The following NKX2-3 variants were observed in gnomAD, a reference collection of about 807,000 sequenced individuals.
NKX2-3 encodes the protein NK2 homeobox 3, also known as homeobox protein Nkx-2.3.
In NKX2-3, 3 loss-of-function variants were observed where a neutral mutation model predicts 14.2. That is an observed-to-expected ratio of 0.21 (90% confidence interval 0.10 to 0.55). NKX2-3 has a LOEUF of 0.55. NKX2-3 is among the 20% of genes least tolerant of loss of function. The pLI is 0.94. For synonymous variants in NKX2-3, 276 were observed against 234.2 expected (o/e 1.18, Z -1.63); for missense variants, 511 against 514.5 (o/e 0.99, Z 0.06).
Position 99,533,304 on chromosome 10 carries a change from G to C in NKX2-3, c.173G>C (p.Gly58Ala), listed in dbSNP as rs1463208368. The C allele has an allele frequency of 1.9e-6, 3 of 1,613,798 alleles. No individual in the cohort carries two copies. The highest frequency in any genetic ancestry group is 2.5e-6 in the Non-Finnish European group (3 of 1,179,830). ...GCTGAGGGGACGCAATTTTCTGACG[G>C]AGGGGAGGAGGACGAGGAAGACGAG... is the stretch of plus-strand genomic sequence containing the variant. ...AAAEGTQFSD[G>A]GEEDEEDEGE... Residue 58 changes from glycine (G) to alanine (A), a missense_variant, in exon 1 of 2, where the codon GGA becomes GCA. Physicochemically the swap from Gly to Ala is moderately conservative, Grantham distance 60. Coordinates refer to ENST00000344586, the MANE Select transcript of NKX2-3 (RefSeq NM_145285.3).
chr10:99,534,073 G>T (rs2033939454), intron 1 of NKX2-3, among the ~76,000 whole-genome samples: 2 of 152,244 alleles, frequency 1.3e-5, no homozygotes, highest in African/African-American at 2.4e-5. Context: ...GAGAGGAGAT[G>T]ATCGGAAAGT....
In NKX2-3 at chr10:99,535,673, C is replaced by G; in HGVS notation, c.1047C>G (p.Ala349=). 1 of 1,537,170 alleles carries G rather than the reference C, an allele frequency of 6.5e-7. No individual in the cohort carries two copies. Among genetic ancestry groups the G allele is most frequent in the Non-Finnish European group, 8.7e-7 (1 of 1,145,738 alleles). Residue 349 remains alanine (A), a synonymous_variant, in exon 2 of 2, where the codon GCC becomes GCG. Coordinates refer to ENST00000344586, the MANE Select transcript of NKX2-3 (RefSeq NM_145285.3). ...SAQPLHQGTA[A]GAACAQGTLQ... ...AGCCGTTGCACCAGGGTACTGCAGCCGGGGCCGCGTGCGCTCAGGGCACCT... is the reference window on the plus strand; with the variant it reads ...AGCCGTTGCACCAGGGTACTGCAGCGGGGGCCGCGTGCGCTCAGGGCACCT...
At chr10:99,534,203 C>T (rs1236984552) in intron 1 of NKX2-3, among the ~76,000 whole-genome samples, 1 of 152,184 alleles carries the variant, frequency 6.6e-6, no homozygotes, top group African/African-American at 2.4e-5. Flanking sequence ...ATAGAAAACG[C>T]GCCGAACTTG....
Position 99,535,899 on chromosome 10 carries a change from G to C in NKX2-3, c.*178G>C. 1 of 716,474 alleles carries C rather than the reference G, an allele frequency of 1.4e-6. No individual in the cohort carries two copies. The highest frequency in any genetic ancestry group is 2.0e-5 in the South Asian group (1 of 50,366). The allele number at this position is 716,474 out of a possible 1,614,324, so 44.4% of individuals were successfully genotyped here. ...CTGGGGAAGGGGACTCAGGGGCGAG[G>C]AGGATGACTGGGTCCGGTCGCCAGG... is the stretch of plus-strand genomic sequence containing the variant. On this transcript the variant is annotated 3_prime_UTR_variant, in exon 2 of 2. Coordinates refer to ENST00000344586, the MANE Select transcript of NKX2-3 (RefSeq NM_145285.3).
At chr10:99,533,970 A>G (rs902383483) in intron 1 of NKX2-3, among the ~76,000 whole-genome samples, 1 of 152,202 alleles carries the variant, frequency 6.6e-6, no homozygotes, top group Non-Finnish European at 1.5e-5. Flanking sequence ...TCGCACCCGC[A>G]GGGGCAGGAA....
Position 99,533,103 on chromosome 10 carries a change from T to C in NKX2-3, c.-29T>C. On this transcript the variant is annotated 5_prime_UTR_variant, in exon 1 of 2. Coordinates refer to ENST00000344586, the MANE Select transcript of NKX2-3 (RefSeq NM_145285.3). ...CCTCCCCGCCCCCGCCGGGATTTATTATTTGGACTGGACAATTAAGTGGCC... is the reference window on the plus strand; with the variant it reads ...CCTCCCCGCCCCCGCCGGGATTTATCATTTGGACTGGACAATTAAGTGGCC... 6.8e-7 allele frequency: 1 copy of C among 1,469,174 alleles called. No individual in the cohort carries two copies. The highest frequency in any genetic ancestry group is 9.2e-7 in the Non-Finnish European group (1 of 1,089,734). The allele number at this position is 1,469,174 out of a possible 1,614,324, so 91.0% of individuals were successfully genotyped here. A position where few individuals can be genotyped will look rare whatever the true frequency, so the allele number is the denominator to read the frequency against.
intron 1 of NKX2-3, 105 bp from the exon 2 acceptor site, chr10:99,534,880 A>G: frequency 7.2e-7 from 1 of 1,379,938 alleles, no homozygotes; most frequent in East Asian, 2.5e-5. Context: ...GCCATTTACT[A>G]CCGCACGCTC....
chr10:99,534,939 T>C lies in NKX2-3; in HGVS notation c.359-46T>C, dbSNP rs1202372623. 7 of 1,545,584 alleles carry C rather than the reference T, an allele frequency of 4.5e-6. No homozygotes were observed. The South Asian group carries it at 4.8e-5, about 11-fold the overall frequency. ...CGGTGCTCCAGGACAGGAGCCGCGG[T>C]GCGGCCGGGAACAGCTAAGGACGCT... is the stretch of plus-strand genomic sequence containing the variant. On this transcript the variant is annotated intron_variant, in intron 1 of 1. Transcript: ENST00000344586.
rs1479894228 is a variant in NKX2-3 at position 99,533,482 on chromosome 10, G to A, written c.351G>A (p.Arg117=). The change falls in exon 1 of 2, where the codon CGG becomes CGA. Residue 117 remains arginine (R), a synonymous_variant. Coordinates refer to ENST00000344586, the MANE Select transcript of NKX2-3 (RefSeq NM_145285.3). ...HEEEPEVVRD[R]SQKSCQLKKS... The stretch of plus-strand genomic sequence containing the variant: ...AGGAGCCCGAGGTCGTGAGGGACCG[G>A]AGCCAAAGTGAGTAGAGGGGGAAAG... 1.3e-6 allele frequency: 2 copies of A among 1,572,632 alleles called. No homozygotes were observed. Among genetic ancestry groups the A allele is most frequent in the East Asian group, 2.3e-5 (1 of 43,172 alleles).
chr10:99,535,032 G>T lies in NKX2-3; in HGVS notation c.406G>T (p.Ala136Ser). ...KSLETAGDCK[A>S]AEESERPKPR... ...TCTAGAGACGGCCGGAGACTGCAAGGCGGCGGAGGAGAGCGAGAGGCCGAA... is the reference window on the plus strand; with the variant it reads ...TCTAGAGACGGCCGGAGACTGCAAGTCGGCGGAGGAGAGCGAGAGGCCGAA... Residue 136 changes from alanine (A) to serine (S), a missense_variant, in exon 2 of 2, where the codon GCG becomes TCG. By Grantham distance (99) the Ala-to-Ser change is moderately conservative. Around this residue, in one of 3 missense-constraint regions of NKX2-3, gnomAD observed 243 missense variants for 242.3 expected, o/e 1.00. Coordinates refer to ENST00000344586, the MANE Select transcript of NKX2-3 (RefSeq NM_145285.3). 6.2e-7 allele frequency: 1 copy of T among 1,606,544 alleles called. No homozygotes were observed. The highest frequency in any genetic ancestry group is 8.5e-7 in the Non-Finnish European group (1 of 1,177,026).
In NKX2-3 at chr10:99,535,336, C is replaced by A. The variant is rs776286787; in HGVS notation, c.710C>A (p.Pro237Gln). The change falls in exon 2 of 2, where the codon CCG becomes CAG. Residue 237 changes from proline to glutamine, a missense_variant. By Grantham distance (76) the Pro-to-Gln change is moderately conservative. Transcript: ENST00000344586. Reference sequence around the variant, plus strand: ...CCGGTGCTGGTGCGGGACGGCAAGCCGTGCGTCACGCCCAGCGCGCAGGCC... The same window carrying A: ...CCGGTGCTGGTGCGGGACGGCAAGCAGTGCGTCACGCCCAGCGCGCAGGCC... Reference protein sequence around the residue: ...AVPVLVRDGKPCVTPSAQAYG... With the variant: ...AVPVLVRDGKQCVTPSAQAYG... 6.6e-7 allele frequency: 1 copy of A among 1,526,620 alleles called. No homozygotes were observed. Among genetic ancestry groups the A allele is most frequent in the Non-Finnish European group, 8.8e-7 (1 of 1,139,062 alleles). 94.6% of individuals were successfully genotyped at this position (1,526,620 alleles called of 1,614,324 possible). A position where few individuals can be genotyped will look rare whatever the true frequency, so the allele number is the denominator to read the frequency against.
rs748839062 is a variant in NKX2-3, at chr10:99,533,196, A to G, written c.65A>G (p.Gln22Arg). ...GTCAAAGACATTTTGAATCTGGAGC[A>G]GCAGCACCAGCACTTCCATGGTGCG... ...FSVKDILNLE[Q>R]QHQHFHGAHL... Residue 22 changes from glutamine (Q) to arginine (R), a missense_variant, in exon 1 of 2, where the codon CAG becomes CGG. This residue lies in a region of NKX2-3 where 243 missense variants were observed against 242.3 expected (regional missense o/e 1.00). Transcript: ENST00000344586. 20 of 1,599,476 alleles carry G rather than the reference A, an allele frequency of 1.3e-5. No individual in the cohort carries two copies. Among genetic ancestry groups the G allele is most frequent in the African/African-American group, 2.7e-5 (2 of 74,742 alleles).
At position 99,533,152 on chromosome 10, in the gene NKX2-3, C is replaced by G. The variant is rs2033928569; in HGVS notation, c.21C>G (p.Val7=). The change falls in exon 1 of 2, where the codon GTC becomes GTG. Residue 7 remains valine (V), a synonymous_variant. Transcript: ENST00000344586. MMLPSP[V]TSTPFSVKDI... ...CCCTGATGATGTTACCAAGCCCGGT[C>G]ACCTCCACCCCTTTCTCAGTCAAAG... 6.4e-7 allele frequency: 1 copy of G among 1,557,566 alleles called. No individual in the cohort carries two copies. Among genetic ancestry groups the G allele is most frequent in the Non-Finnish European group, 8.7e-7 (1 of 1,147,370 alleles).
rs562853489 is a variant in NKX2-3 at position 99,536,389 on chromosome 10, G to A, written c.*668G>A. On this transcript the variant is annotated 3_prime_UTR_variant, in exon 2 of 2. Transcript: ENST00000344586. ...GGTGGCCCACCGGAGGTGTTACCGG[G>A]TTTCCTTTCTGTTTCGTATTCTGTA... 6.5e-6 allele frequency: 1 copy of A among 153,054 alleles called. No individual in the cohort carries two copies. Among genetic ancestry groups the A allele is most frequent in the African/African-American group, 2.4e-5 (1 of 41,562 alleles). 9.5% of individuals were successfully genotyped at this position (153,054 alleles called of 1,614,324 possible).
rs5787350 is a variant in NKX2-3 at position 99,535,896 on chromosome 10, G to GA, written c.*176dup. 0.27 allele frequency: 199,734 copies of GA among 739,120 alleles called. 29,387 individuals are homozygous for GA. The highest frequency in any genetic ancestry group is 0.44 in the East Asian group (13,572 of 30,546). 45.8% of individuals were successfully genotyped at this position (739,120 alleles called of 1,614,324 possible). ...GGCCTGGGGAAGGGGACTCAGGGGC[G>GA]AGGAGGATGACTGGGTCCGGTCGCC... On this transcript the variant is annotated 3_prime_UTR_variant, in exon 2 of 2. Coordinates refer to ENST00000344586, the MANE Select transcript of NKX2-3 (RefSeq NM_145285.3).
In NKX2-3 at chr10:99,534,096, T is replaced by C. The variant is rs374289879; in HGVS notation, c.358+607T>C. Among the ~76,000 whole-genome samples the C allele has an allele frequency of 2.4e-4, 37 of 152,278 alleles. 1 individual carries two copies. The South Asian group carries it at 7.7e-3, about 32-fold the overall frequency. On this transcript the variant is annotated intron_variant, in intron 1 of 1. Coordinates refer to ENST00000344586, the MANE Select transcript of NKX2-3 (RefSeq NM_145285.3). ...ATGATCGGAAAGTGCGTGGGAACAA[T>C]GTCTATTCCGCGCGACCATAGCTCT...
intron 1 of NKX2-3, 22 bp downstream of exon 1, chr10:99,533,511 A>G: frequency 6.7e-7 from 1 of 1,502,212 alleles, no homozygotes. Context: ...GGGAAAGAAA[A>G]CGCACCCGCA....
In NKX2-3 at chr10:99,535,819, A is replaced by T. The variant is rs966993932; in HGVS notation, c.*98A>T. 2 of 1,321,564 alleles carry T rather than the reference A, an allele frequency of 1.5e-6. No homozygotes were observed. Among genetic ancestry groups the T allele is most frequent in the African/African-American group, 3.1e-5 (2 of 64,056 alleles). The allele number at this position is 1,321,564 out of a possible 1,614,324, so 81.9% of individuals were successfully genotyped here. A position where few individuals can be genotyped will look rare whatever the true frequency, so the allele number is the denominator to read the frequency against. ...GACCTAAAGGTCAGGTCCCCTCGTT[A>T]AAAAAATATGTACGTCTAGCTCCTC... On this transcript the variant is annotated 3_prime_UTR_variant, in exon 2 of 2. Coordinates refer to ENST00000344586, the MANE Select transcript of NKX2-3 (RefSeq NM_145285.3).
Position 99,536,110 on chromosome 10 carries a change from C to A in NKX2-3, c.*389C>A, listed in dbSNP as rs1305367247. 3.6e-5 allele frequency: 8 copies of A among 223,960 alleles called. 1 individual carries two copies. The highest frequency in any genetic ancestry group is 5.3e-5 in the Non-Finnish European group (6 of 113,710). The allele number at this position is 223,960 out of a possible 1,614,324, so 13.9% of individuals were successfully genotyped here. Reference sequence around the variant, plus strand: ...GTTGGCGGGGAGCCCAAGGACATAACAAATTAAAAGCATGAAGGAGAGAAA... The same window carrying A: ...GTTGGCGGGGAGCCCAAGGACATAAAAAATTAAAAGCATGAAGGAGAGAAA... On this transcript the variant is annotated 3_prime_UTR_variant, in exon 2 of 2. Transcript: ENST00000344586.
Sources: gnomAD v4.1 joint callset for allele counts (sites outside exome capture counted in the v4.1 genomes callset) on GRCh38, gnomAD v4.1.1 for gene constraint, gnomAD v4.1.1 regional missense constraint, MANE v1.5 for transcripts, NCBI Gene and HGNC (gene_info 2026-07-23, HGNC 2026-07-21) for gene names.